The following KLF17 variants were observed in gnomAD, a reference collection of about 807,000 sequenced individuals.
KLF17 encodes the protein KLF transcription factor 17.
A neutral mutation model predicts 34.2 loss-of-function variants in KLF17; 31 were observed. The ratio of observed to expected loss-of-function variants is 0.91; its 90% CI spans 0.68 to 1.22. KLF17 has a LOEUF of 1.22. KLF17 is among the 50% of genes most tolerant of loss of function. The pLI, the probability that KLF17 is intolerant of heterozygous loss-of-function variation, is 0.00. For missense variants in KLF17, 478 were observed against 505.2 expected, an observed-to-expected ratio of 0.95 and a Z score of 0.52; for synonymous variants, 179 against 186.7, an observed-to-expected ratio of 0.96 and a Z score of 0.34.
At chr1:44,122,220 C>G (rs927860048) in intron 1 of KLF17, 3 of 1,604,610 alleles carry the variant, frequency 1.9e-6, no homozygotes, top group Non-Finnish European at 2.6e-6. Context: ...GCCTCTGCCT[C>G]TTCCTGCAAC....
At chr1:44,094,364 C>A in the KLF17 span, among the ~76,000 whole-genome samples, 6 of 152,202 alleles carry the variant, frequency 3.9e-5, no homozygotes, top group Admixed American at 1.3e-4. Flanking sequence ...TCCTGTTTTT[C>A]CATTTTTCTT....
chr1:44,081,509 G>A, the KLF17 span, among the ~76,000 whole-genome samples: 33,062 of 148,858 alleles, frequency 0.22, 4,178 homozygotes, highest in Non-Finnish European at 0.28. Flanking sequence ...TCCACCTCCC[G>A]GGTTCAAGCA....
the KLF17 span, among the ~76,000 whole-genome samples, chr1:44,099,006 G>C: frequency 1.3e-5 from 2 of 151,726 alleles, no homozygotes; most frequent in African/African-American, 4.8e-5. Flanking sequence ...GGGATTACAG[G>C]CATGAGCCAC....
At chr1:44,056,201 T>G in the KLF17 span, among the ~76,000 whole-genome samples, 1 of 152,204 alleles carries the variant, frequency 6.6e-6, no homozygotes, top group Non-Finnish European at 1.5e-5. Context: ...AATATGGAGA[T>G]GACCTATTAC....
chr1:44,100,112 A>T, the KLF17 span, among the ~76,000 whole-genome samples: 1 of 141,566 alleles, frequency 7.1e-6, no homozygotes, highest in East Asian at 2.1e-4. Context: ...ACACACACAC[A>T]CACAAATTAG....
the KLF17 span, among the ~76,000 whole-genome samples, chr1:44,110,755 T>G: frequency 6.6e-6 from 1 of 152,062 alleles, no homozygotes; most frequent in Non-Finnish European, 1.5e-5. Flanking sequence ...AAAAGTTAGC[T>G]AAAGATCTTG....
chr1:44,122,029 A>G (rs2087951818), intron 1 of KLF17: 3 of 690,684 alleles, frequency 4.3e-6, no homozygotes, highest in Admixed American at 5.5e-5. Context: ...CTTTTCCTTT[A>G]TGTCTTTTCC....
Position 44,129,964 on chromosome 1 carries a change from G to A in KLF17, c.693G>A (p.Leu231=). The A allele has an allele frequency of 6.2e-7, 1 of 1,614,154 alleles. No homozygotes were observed. Among genetic ancestry groups the A allele is most frequent in the Admixed American group, 1.7e-5 (1 of 60,022 alleles). ...CCCCAGCTGAGTCCCAGTCATTGCT[G>A]GTTTTAGGATCTCAGGACTCTCTTG... ...GMPPAESQSL[L]VLGSQDSLVS... Residue 231 remains leucine, a synonymous_variant, in exon 2 of 4, where the codon CTG becomes CTA. Transcript: ENST00000372299.
At chr1:44,068,470 T>C in the KLF17 span, among the ~76,000 whole-genome samples, 65 of 152,350 alleles carry the variant, frequency 4.3e-4, no homozygotes, top group African/African-American at 1.5e-3. Context: ...AGTTACTATG[T>C]AGCCCCCACC....
the KLF17 span, among the ~76,000 whole-genome samples, chr1:44,075,197 T>A: frequency 1.3e-5 from 2 of 152,114 alleles, no homozygotes; most frequent in South Asian, 4.1e-4. Flanking sequence ...ATTCCCAGTA[T>A]AATTATAATT....
At chr1:44,104,060 C>G in the KLF17 span, 10 of 884,680 alleles carry the variant, frequency 1.1e-5, no homozygotes, top group African/African-American at 1.5e-4. Flanking sequence ...TGGCGGAGAT[C>G]TGGGACTGCA....
chr1:44,058,627 A>T, the KLF17 span, among the ~76,000 whole-genome samples: 1 of 147,364 alleles, frequency 6.8e-6, no homozygotes, highest in East Asian at 2.0e-4. Flanking sequence ...ACTCCAAAGG[A>T]ACAGTAAAAC....
chr1:44,117,653 G>T (rs1276417084), upstream of KLF17, among the ~76,000 whole-genome samples: 1 of 151,550 alleles, frequency 6.6e-6, no homozygotes, highest in African/African-American at 2.4e-5. Context: ...GCGCCACCAC[G>T]CCTGGCTAAT....
the KLF17 span, among the ~76,000 whole-genome samples, chr1:44,064,696 T>A: frequency 6.6e-6 from 1 of 152,246 alleles, no homozygotes; most frequent in Non-Finnish European, 1.5e-5. Flanking sequence ...AATTTATTGT[T>A]AATATCTGAA....
At chr1:44,117,450 A>ATTTTG (rs1306779077), upstream of KLF17, 1 of 147,590 alleles carries the variant, frequency 6.8e-6, no homozygotes, top group African/African-American at 2.5e-5. Context: ...ATTTTATTTT[A>ATTTTG]TTTTATTTTA....
At chr1:44,130,962 A>AT (rs919806050) in intron 3 of KLF17, among the ~76,000 whole-genome samples, 3 of 151,922 alleles carry the variant, frequency 2.0e-5, no homozygotes, top group African/African-American at 7.3e-5. Flanking sequence ...GGCCCGGGTA[A>AT]TTTTTTGTAT....
the KLF17 span, among the ~76,000 whole-genome samples, chr1:44,099,152 C>G: frequency 6.6e-6 from 1 of 152,030 alleles, no homozygotes; most frequent in Non-Finnish European, 1.5e-5. Context: ...ACCTGTAATC[C>G]CAGCACTTTG....
At position 44,129,940 on chromosome 1, in the gene KLF17, C is replaced by T. The variant is rs1468864586; in HGVS notation, c.669C>T (p.Pro223=). The T allele has an allele frequency of 3.7e-6, 6 of 1,614,064 alleles. No individual in the cohort carries two copies. In the African/African-American group the frequency reaches 8.0e-5, roughly 22 times the overall value. ...AAGATGCCCATGACCTTGGGATGCCCCCAGCTGAGTCCCAGTCATTGCTGG... is the reference window on the plus strand; with the variant it reads ...AAGATGCCCATGACCTTGGGATGCCTCCAGCTGAGTCCCAGTCATTGCTGG... ...PPQDAHDLGM[P]PAESQSLLVL... The change falls in exon 2 of 4, where the codon CCC becomes CCT. Residue 223 remains proline (P), a synonymous_variant. Transcript: ENST00000372299.
chr1:44,124,824 C>T (rs578251759), intron 1 of KLF17, among the ~76,000 whole-genome samples: 2 of 152,096 alleles, frequency 1.3e-5, no homozygotes, highest in Admixed American at 1.3e-4. Flanking sequence ...TAGCTATGTC[C>T]TTTGTGGTTG....
Sources: gnomAD v4.1 joint callset for allele counts (sites outside exome capture counted in the v4.1 genomes callset) on GRCh38, gnomAD v4.1.1 for gene constraint, MANE v1.5 for transcripts, NCBI Gene and HGNC (gene_info 2026-07-23, HGNC 2026-07-21) for gene names.